Variants in CPOX observed in about 807,000 individuals in gnomAD.
CPOX encodes the protein oxygen-dependent coproporphyrinogen-III oxidase, mitochondrial.
A neutral mutation model predicts 48.9 loss-of-function variants in CPOX; 24 were observed. The ratio of observed to expected loss-of-function variants is 0.49; its 90% CI spans 0.36 to 0.69. The LOEUF is 0.69. Ranked by LOEUF, CPOX falls within the 30% of genes least tolerant of loss-of-function variation. The pLI is 0.00. For missense variants in CPOX, 549 were observed against 597.3 expected, an observed-to-expected ratio of 0.92 and a Z score of 0.84; for synonymous variants, 249 against 234.6, an observed-to-expected ratio of 1.06 and a Z score of -0.56.
At chr3:98,577,862 T>C (rs536572714), downstream of CPOX, among the ~76,000 whole-genome samples, 40 of 152,324 alleles carry the variant, frequency 2.6e-4, no homozygotes, top group South Asian at 8.3e-4. Flanking sequence ...CTCTAAATAT[T>C]GTAACAGCAA....
the CPOX span, among the ~76,000 whole-genome samples, chr3:98,571,235 A>C: frequency 7.9e-5 from 12 of 152,298 alleles, no homozygotes; most frequent in South Asian, 2.5e-3. Flanking sequence ...TACAATATTG[A>C]ATAATAGTAG....
intron 3 of CPOX, 110 bp from the exon 4 acceptor site, chr3:98,588,964 A>T (rs1434866999): frequency 7.8e-7 from 1 of 1,280,228 alleles, no homozygotes; most frequent in Non-Finnish European, 1.1e-6. Flanking sequence ...AAAATGGATG[A>T]CAATAAAAAA....
intron 1 of CPOX, among the ~76,000 whole-genome samples, chr3:98,591,967 A>G (rs1707485956): frequency 1.0e-4 from 1 of 10,026 alleles, no homozygotes; most frequent in South Asian, 2.4e-3. Flanking sequence ...TATTCCATCC[A>G]TATATATATA....
chr3:98,575,100 C>T (rs906052206), downstream of CPOX, among the ~76,000 whole-genome samples: 2 of 152,162 alleles, frequency 1.3e-5, no homozygotes, highest in Non-Finnish European at 2.9e-5. Context: ...AGATAAATTG[C>T]TATAAAGACT....
intron 5 of CPOX, among the ~76,000 whole-genome samples, chr3:98,582,348 C>T (rs1227458366): frequency 6.6e-6 from 1 of 152,104 alleles, no homozygotes; most frequent in East Asian, 1.9e-4. Context: ...ATAAACAGTG[C>T]CCCTTTCAGA....
chr3:98,593,322 C>A lies in CPOX; in HGVS notation c.183G>T (p.Gly61=), dbSNP rs756479562. The change falls in exon 1 of 7, where the codon GGG becomes GGT. Residue 61 remains glycine, a synonymous_variant. Coordinates refer to ENST00000647941, the MANE Select transcript of CPOX (RefSeq NM_000097.7). ...CTCTCGACGTCGAGCCGTGCCCCAG[C>A]CCGCGGCTCTGCTCCGTGCCAGCCG... ...PGPAGTEQSR[G]LGHGSTSRGG... The A allele has an allele frequency of 7.0e-7, 1 of 1,434,164 alleles. No individual in the cohort carries two copies. The highest frequency in any genetic ancestry group is 1.5e-5 in the South Asian group (1 of 66,752). The allele number at this position is 1,434,164 out of a possible 1,614,324, so 88.8% of individuals were successfully genotyped here.
rs1185371121 is a variant in CPOX at position 98,581,437 on chromosome 3, C to T, written c.1247G>A (p.Ser416Asn). ...AGTTAGAGGTAAAGACATCAAGATACTTTCAATTCTGGATCCTGGAGTGAA... is the reference window on the plus strand; with the variant it reads ...AGTTAGAGGTAAAGACATCAAGATATTTTCAATTCTGGATCCTGGAGTGAA... ...GLFTPGSRIE[S>N]ILMSLPLTAR... The change falls in exon 6 of 7, where the codon AGT becomes AAT. Residue 416 changes from serine (S) to asparagine (N), a missense_variant. Physicochemically the swap from Ser to Asn is conservative, Grantham distance 46. This residue lies in a region of CPOX where 213 missense variants were observed against 279.1 expected (regional missense o/e 0.76). Transcript: ENST00000647941. 5 of 1,613,934 alleles carry T rather than the reference C, an allele frequency of 3.1e-6. No individual in the cohort carries two copies. The highest frequency in any genetic ancestry group is 4.2e-6 in the Non-Finnish European group (5 of 1,179,898).
Position 98,580,048 on chromosome 3 carries a change from T to A in CPOX, c.*635A>T. The A allele has an allele frequency of 1.0e-6, 1 of 983,050 alleles. No homozygotes were observed. The highest frequency in any genetic ancestry group is 4.7e-5 in the South Asian group (1 of 21,238). The allele number at this position is 983,050 out of a possible 1,614,324, so 60.9% of individuals were successfully genotyped here. ...TTAGACATCTCTAAAATAATAGTAATGTCACTTTAGAGTTTACAAACTACA... is the reference window on the plus strand; with the variant it reads ...TTAGACATCTCTAAAATAATAGTAAAGTCACTTTAGAGTTTACAAACTACA... On this transcript the variant is annotated 3_prime_UTR_variant, in exon 7 of 7. Transcript: ENST00000647941.
rs562931726 is a variant in CPOX at position 98,582,009 on chromosome 3, A to C, written c.1173-498T>G. ...GCTAACAATAATCTATTAATAATGG[A>C]CTATGATATTCTATATATTCCTCTT... On this transcript the variant is annotated intron_variant, in intron 5 of 6. Coordinates refer to ENST00000647941, the MANE Select transcript of CPOX (RefSeq NM_000097.7). Among the ~76,000 whole-genome samples the C allele has an allele frequency of 2.0e-5, 3 of 152,362 alleles. No individual in the cohort carries two copies. In the South Asian group the frequency reaches 6.2e-4, roughly 32 times the overall value.
At chr3:98,576,279 T>C (rs1364007849), downstream of CPOX, among the ~76,000 whole-genome samples, 1 of 152,128 alleles carries the variant, frequency 6.6e-6, no homozygotes, top group African/African-American at 2.4e-5. Context: ...AGGCACCTTC[T>C]TCACAAGGCA....
Position 98,593,593 on chromosome 3 carries a change from G to C in CPOX, c.-89C>G. ...CAGACCCCCGGAGTATTGAGCCGGCGAGCTGCACAGGCGGAAAGAACCTTT... is the reference window on the plus strand; with the variant it reads ...CAGACCCCCGGAGTATTGAGCCGGCCAGCTGCACAGGCGGAAAGAACCTTT... On this transcript the variant is annotated 5_prime_UTR_variant, in exon 1 of 7. Coordinates refer to ENST00000647941, the MANE Select transcript of CPOX (RefSeq NM_000097.7). 1 of 1,342,568 alleles carries C rather than the reference G, an allele frequency of 7.4e-7. No individual in the cohort carries two copies. The highest frequency in any genetic ancestry group is 1.0e-6 in the Non-Finnish European group (1 of 1,001,044). The allele number at this position is 1,342,568 out of a possible 1,614,324, so 83.2% of individuals were successfully genotyped here.
At chr3:98,589,560 T>C (rs1707437712) in intron 3 of CPOX, 1 of 151,666 alleles carries the variant, frequency 6.6e-6, no homozygotes, top group African/African-American at 2.4e-5. Context: ...ATCTGTAGTT[T>C]ATAAAACTCC....
chr3:98,571,619 C>T, the CPOX span, among the ~76,000 whole-genome samples: 1 of 144,100 alleles, frequency 6.9e-6, no homozygotes, highest in Non-Finnish European at 1.5e-5. Flanking sequence ...ACCCGGGAGG[C>T]GGAGCTTGCA....
chr3:98,579,992 A>C lies in CPOX; in HGVS notation c.*691T>G, dbSNP rs1480565152. The C allele has an allele frequency of 1.0e-6, 1 of 985,260 alleles. No homozygotes were observed. The highest frequency in any genetic ancestry group is 1.2e-6 in the Non-Finnish European group (1 of 829,482). 61.0% of individuals were successfully genotyped at this position (985,260 alleles called of 1,614,324 possible). On this transcript the variant is annotated 3_prime_UTR_variant, in exon 7 of 7. Coordinates refer to ENST00000647941, the MANE Select transcript of CPOX (RefSeq NM_000097.7). ...GTGCAGAGAATCCCAACATTAACAA[A>C]CAATGGTTCCACAAAAATCAAAATT...
chr3:98,582,773 G>A (rs765875724), intron 5 of CPOX, among the ~76,000 whole-genome samples: 1 of 152,146 alleles, frequency 6.6e-6, no homozygotes, highest in Non-Finnish European at 1.5e-5. Context: ...TTACAGGCGT[G>A]AGCCACCACG....
chr3:98,583,536 G>A (rs936676672), intron 5 of CPOX, among the ~76,000 whole-genome samples: 1 of 151,964 alleles, frequency 6.6e-6, no homozygotes, highest in African/African-American at 2.4e-5. Context: ...ATTTTATCCT[G>A]TTTCCCTTTC....
Position 98,586,312 on chromosome 3 carries a change from A to G in CPOX, c.954-653T>C, listed in dbSNP as rs111481004. 6.3e-3 allele frequency among the ~76,000 whole-genome samples: 954 copies of G among 152,352 alleles called. 9 individuals carry two copies. The highest frequency in any genetic ancestry group is 0.022 in the African/African-American group (896 of 41,576). On this transcript the variant is annotated intron_variant, in intron 4 of 6. Coordinates refer to ENST00000647941, the MANE Select transcript of CPOX (RefSeq NM_000097.7). ...CTTGGAATAAGCTGCTGCCTTCGGA[A>G]GCACTGCTGCTTTTGTAGGAGGCAG...
chr3:98,571,696 A>G, the CPOX span, among the ~76,000 whole-genome samples: 1 of 141,478 alleles, frequency 7.1e-6, no homozygotes. Flanking sequence ...TCAAAAAAAA[A>G]AAGAAAAAAG....
chr3:98,587,216 T>C (rs1038810365), intron 4 of CPOX, among the ~76,000 whole-genome samples: 1 of 152,140 alleles, frequency 6.6e-6, no homozygotes, highest in African/African-American at 2.4e-5. Flanking sequence ...TCGTGACTTG[T>C]TGGCCTTCTT....
Sources: gnomAD v4.1 joint callset for allele counts (sites outside exome capture counted in the v4.1 genomes callset) on GRCh38, gnomAD v4.1.1 for gene constraint, gnomAD v4.1.1 regional missense constraint, MANE v1.5 for transcripts, NCBI Gene and HGNC (gene_info 2026-07-23, HGNC 2026-07-21) for gene names.